DNAH7: variants seen among roughly 807,000 people sequenced by gnomAD.
The protein encoded by DNAH7 is dynein axonemal heavy chain 7.
In DNAH7, 397 loss-of-function variants were observed where a neutral mutation model predicts 444.6. The observed-to-expected ratio is 0.89, with a 90% CI of 0.82 to 0.97. The LOEUF (loss-of-function observed/expected upper bound fraction) is 0.97. Ranked by LOEUF, DNAH7 falls within the 50% of genes least tolerant of loss-of-function variation. The pLI is 0.00. For missense variants in DNAH7, 4,902 were observed against 4,800.8 expected (o/e 1.02, Z -0.62); for synonymous variants, 1,636 against 1,624.4 (o/e 1.01, Z -0.17).
At position 195,938,344 on chromosome 2, in the gene DNAH7, TCACACACA is replaced by T. The variant is rs68056425; in HGVS notation, c.3079-1560_3079-1553del. On this transcript the variant is annotated intron_variant, in intron 19 of 64. Coordinates refer to ENST00000312428, the MANE Select transcript of DNAH7 (RefSeq NM_018897.3). ...CTTGTTTTATGTTTCAAATAGACATTCACACACACACACACACACACACACACACACAC... is the reference window on the plus strand; with the variant it reads ...CTTGTTTTATGTTTCAAATAGACATTCACACACACACACACACACACACAC... Among the ~76,000 whole-genome samples, 397 of 134,176 alleles carry T rather than the reference TCACACACA, an allele frequency of 3.0e-3. 3 individuals carry two copies. The highest frequency in any genetic ancestry group is 9.7e-3 in the African/African-American group (369 of 37,852). The allele number at this position is 134,176 out of a possible 152,430, so 88.0% of individuals were successfully genotyped here. A position where few individuals can be genotyped will look rare whatever the true frequency, so the allele number is the denominator to read the frequency against.
intron 10 of DNAH7, among the ~76,000 whole-genome samples, chr2:196,011,453 C>T (rs1694722852): frequency 6.6e-6 from 1 of 151,748 alleles, no homozygotes; most frequent in Non-Finnish European, 1.5e-5. Flanking sequence ...TAAGTAAAGC[C>T]AGAAAAAGAT....
At chr2:195,867,393 T>A (rs572524403) in intron 40 of DNAH7, among the ~76,000 whole-genome samples, 1 of 152,354 alleles carries the variant, frequency 6.6e-6, no homozygotes, top group Non-Finnish European at 1.5e-5. Flanking sequence ...TTGTAATTTG[T>A]GCTTTGAATT....
chr2:196,000,871 C>T lies in DNAH7; in HGVS notation c.1186G>A (p.Ala396Thr). Residue 396 changes from alanine (A) to threonine (T), a missense_variant, in exon 12 of 65, where the codon GCT becomes ACT. Transcript: ENST00000312428. ...LIAQPPDSVR[A>T]FEHPGFIMRL... ...ATGATGAAACCTGGATGTTCAAAAGCTCTAACAGAATCCTGCAAAAAATTA... is the reference window on the plus strand; with the variant it reads ...ATGATGAAACCTGGATGTTCAAAAGTTCTAACAGAATCCTGCAAAAAATTA... 6.4e-7 allele frequency: 1 copy of T among 1,568,608 alleles called. No individual in the cohort carries two copies.
At chr2:196,050,483 T>G (rs1697396405) in intron 3 of DNAH7, among the ~76,000 whole-genome samples, 1 of 152,192 alleles carries the variant, frequency 6.6e-6, no homozygotes, top group African/African-American at 2.4e-5. Flanking sequence ...ATGGTTAAAA[T>G]GGTAAATTTT....
intron 24 of DNAH7, among the ~76,000 whole-genome samples, chr2:195,919,511 AT>A (rs1687893108): frequency 6.6e-6 from 1 of 151,716 alleles, no homozygotes; most frequent in Admixed American, 6.6e-5. Context: ...CACCCAGCTA[AT>A]TTTTATATTT....
intron 34 of DNAH7, among the ~76,000 whole-genome samples, chr2:195,885,802 A>G (rs942556968): frequency 6.6e-6 from 1 of 152,208 alleles, no homozygotes; most frequent in African/African-American, 2.4e-5. Flanking sequence ...AAATTATTAT[A>G]GTTTGGAAAG....
At chr2:196,038,369 C>T (rs1333695730) in intron 5 of DNAH7, among the ~76,000 whole-genome samples, 4 of 151,936 alleles carry the variant, frequency 2.6e-5, no homozygotes, top group Non-Finnish European at 4.4e-5. Context: ...AGGAGTCAAG[C>T]AATACTTTAT....
At chr2:196,068,469 G>A in intron 1 of DNAH7, 1 of 576,584 alleles carries the variant, frequency 1.7e-6, no homozygotes. Context: ...GCCGCTAGGC[G>A]GCTAGGTTTG....
At position 195,861,703 on chromosome 2, in the gene DNAH7, A is replaced by C; in HGVS notation, c.7736+14T>G. Reference sequence around the variant, plus strand: ...TGCCATAGCTTACTTAGAAATATGAAATTTGATTTTTACCTTCTTTTCTTT... The same window carrying C: ...TGCCATAGCTTACTTAGAAATATGACATTTGATTTTTACCTTCTTTTCTTT... On this transcript the variant is annotated intron_variant, in intron 42 of 64. Coordinates refer to ENST00000312428, the MANE Select transcript of DNAH7 (RefSeq NM_018897.3). The C allele has an allele frequency of 1.3e-6, 2 of 1,579,946 alleles. No individual in the cohort carries two copies. The highest frequency in any genetic ancestry group is 8.7e-7 in the Non-Finnish European group (1 of 1,153,324).
At chr2:195,891,864 C>T in intron 30 of DNAH7, 60 bp from the exon 31 acceptor site, 1 of 1,287,192 alleles carries the variant, frequency 7.8e-7, no homozygotes, top group East Asian at 2.7e-5. Context: ...TCATAGAAAA[C>T]ATTATTGCAC....
At chr2:195,857,349 A>G (rs1699770816) in intron 44 of DNAH7, 28 bp downstream of exon 44, 1 of 1,510,064 alleles carries the variant, frequency 6.6e-7, no homozygotes, top group South Asian at 1.4e-5. Flanking sequence ...AGACCATACC[A>G]GCTGGATTTC....
chr2:195,928,429 T>C (rs1688480612), intron 21 of DNAH7, among the ~76,000 whole-genome samples: 1 of 152,164 alleles, frequency 6.6e-6, no homozygotes, highest in South Asian at 2.1e-4. Context: ...CTACATAAAT[T>C]AGCAAATCAT....
At chr2:195,818,783 G>C (rs1022240634) in intron 49 of DNAH7, among the ~76,000 whole-genome samples, 14 of 151,956 alleles carry the variant, frequency 9.2e-5, no homozygotes, top group Admixed American at 7.9e-4. Context: ...AATAAACACT[G>C]TCTTGACCTT....
intron 28 of DNAH7, among the ~76,000 whole-genome samples, chr2:195,898,688 C>T (rs938965321): frequency 6.6e-6 from 1 of 152,116 alleles, no homozygotes; most frequent in East Asian, 1.9e-4. Context: ...TGGCTGCACG[C>T]CCAGAACGCC....
chr2:195,742,384 G>A (rs899329020), intron 63 of DNAH7, among the ~76,000 whole-genome samples: 1 of 152,160 alleles, frequency 6.6e-6, no homozygotes, highest in African/African-American at 2.4e-5. Context: ...ACAAATTTCT[G>A]CCTCTAACCA....
intron 39 of DNAH7, 121 bp from the exon 40 acceptor site, chr2:195,872,590 T>C (rs1358644839): frequency 3.8e-6 from 2 of 530,106 alleles, no homozygotes; most frequent in East Asian, 3.3e-5. Flanking sequence ...ATTTCATTTA[T>C]AAAATTACCA....
At chr2:195,778,719 CAT>C (rs1235522747) in intron 58 of DNAH7, among the ~76,000 whole-genome samples, 2 of 46,630 alleles carry the variant, frequency 4.3e-5, no homozygotes, top group South Asian at 1.3e-3. Flanking sequence ...TATATATACA[CAT>C]ATATATATAC....
chr2:195,749,534 T>C (rs1693649758), intron 63 of DNAH7, among the ~76,000 whole-genome samples: 1 of 152,124 alleles, frequency 6.6e-6, no homozygotes, highest in African/African-American at 2.4e-5. Flanking sequence ...CATGCACACA[T>C]ATGTTTATTG....
intron 47 of DNAH7, among the ~76,000 whole-genome samples, chr2:195,843,672 A>G (rs995386923): frequency 6.6e-6 from 1 of 152,232 alleles, no homozygotes; most frequent in Admixed American, 6.5e-5. Context: ...TACTATAATC[A>G]TACTGCACAT....
Sources: allele counts gnomAD v4.1 joint callset (sites outside exome capture counted in the v4.1 genomes callset), GRCh38; gene constraint gnomAD v4.1.1; transcripts MANE v1.5; gene names NCBI Gene and HGNC (gene_info 2026-07-23, HGNC 2026-07-21).